The following LETMD1 variants were observed in gnomAD, a reference collection of about 807,000 sequenced individuals.
LETMD1 encodes LETM1 domain-containing protein 1.
In LETMD1, 30 loss-of-function variants were observed where a neutral mutation model predicts 43.9. The observed-to-expected ratio is 0.68, with a 90% confidence interval of 0.51 to 0.93. The LOEUF (loss-of-function observed/expected upper bound fraction) is 0.93, where lower values mean the gene tolerates loss of function less well. Among genes scored for constraint, LETMD1 ranks in the 40% least tolerant of loss-of-function variants. The pLI is 0.00. For missense variants in LETMD1, 413 were observed against 447.7 expected (o/e 0.92, Z 0.70); for synonymous variants, 176 against 163.1 (o/e 1.08, Z -0.60).
At chr12:51,049,957 A>T (rs533269162) in intron 2 of LETMD1, among the ~76,000 whole-genome samples, 1 of 152,318 alleles carries the variant, frequency 6.6e-6, no homozygotes, top group African/African-American at 2.4e-5. Context: ...TGCAAAAGTA[A>T]TTGCGGCTTT....
At chr12:51,057,917 G>C in intron 7 of LETMD1, 115 bp from the exon 8 acceptor site, 2 of 826,968 alleles carry the variant, frequency 2.4e-6, no homozygotes, top group South Asian at 2.8e-5. Flanking sequence ...GAGCCACCGT[G>C]CCCGGTGAGA....
chr12:51,054,961 G>A (rs538569271), intron 4 of LETMD1, among the ~76,000 whole-genome samples: 55 of 152,230 alleles, frequency 3.6e-4, no homozygotes, highest in African/African-American at 1.2e-3. Context: ...CTAGCTAGGC[G>A]TGGTGGCGGG....
intron 4 of LETMD1, 170 bp from the exon 5 acceptor site, chr12:51,055,665 T>TAAAAAAAAAAAAAAAAAAAAAAAAAAA: frequency 6.7e-6 from 1 of 149,252 alleles, no homozygotes; most frequent in Non-Finnish European, 1.2e-5. Flanking sequence ...CCCTGTCTCT[T>TAAAAAAAAAAAAAAAAAAAAAAAAAAA]AAAAAAAAAA....
At chr12:51,049,935 A>G (rs1462421210) in intron 2 of LETMD1, among the ~76,000 whole-genome samples, 2 of 152,376 alleles carry the variant, frequency 1.3e-5, no homozygotes, top group Middle Eastern at 3.4e-3. Flanking sequence ...ACCTAACAGT[A>G]TTATAAGTTG....
At chr12:51,062,227 T>A (rs532612170), downstream of LETMD1, 1 of 152,286 alleles carries the variant, frequency 6.6e-6, no homozygotes, top group Admixed American at 6.5e-5. Context: ...AGAAAAGGCT[T>A]TATGAGCAAG....
At chr12:51,064,501 C>T (rs540758921), downstream of LETMD1, 5 of 1,611,700 alleles carry the variant, frequency 3.1e-6, no homozygotes, top group South Asian at 2.2e-5. Context: ...GGGGAGGGCT[C>T]CTCATCTGGG....
the LETMD1 span, among the ~76,000 whole-genome samples, chr12:51,066,274 G>C: frequency 6.6e-6 from 1 of 152,008 alleles, no homozygotes; most frequent in Non-Finnish European, 1.5e-5. Flanking sequence ...CCTACATGGT[G>C]AAACGCCGTC....
downstream of LETMD1, among the ~76,000 whole-genome samples, chr12:51,060,674 G>A (rs1290279797): frequency 3.3e-5 from 5 of 152,072 alleles, no homozygotes; most frequent in Admixed American, 1.3e-4. Flanking sequence ...AGGCTGAGGC[G>A]AGCGGATCAC....
At chr12:51,067,639 G>A in the LETMD1 span, 29,079 of 1,597,216 alleles carry the variant, frequency 0.018, 591 homozygotes, top group African/African-American at 0.1. The surrounding 1 kb of genome is among the most constrained non-coding windows in gnomAD (Gnocchi z 4.1). Flanking sequence ...TGACCCTGGT[G>A]TAGATATACT....
At chr12:51,059,255 C>T (rs1948574361) in intron 8 of LETMD1, 106 bp from the exon 9 acceptor site, 1 of 901,246 alleles carries the variant, frequency 1.1e-6, no homozygotes, top group South Asian at 1.4e-5. Context: ...CTTCTTCATT[C>T]CACCCCTCCC....
At position 51,059,819 on chromosome 12, in the gene LETMD1, A is replaced by G. The variant is rs1948677680; in HGVS notation, c.*388A>G. ...ACTGATCCACTTCCATGTTACTTAC[A>G]TCTGTGGGTTTTTGTTGTTGCTGTT... On this transcript the variant is annotated 3_prime_UTR_variant, in exon 9 of 9. Transcript: ENST00000262055. 1.1e-5 allele frequency: 2 copies of G among 176,900 alleles called. No individual in the cohort carries two copies. Among genetic ancestry groups the G allele is most frequent in the South Asian group, 2.9e-4 (2 of 6,886 alleles). The allele number at this position is 176,900 out of a possible 1,614,324, so 11.0% of individuals were successfully genotyped here. A position where few individuals can be genotyped will look rare whatever the true frequency, so the allele number is the denominator to read the frequency against.
At chr12:51,067,711 C>T in the LETMD1 span, 1 of 1,614,054 alleles carries the variant, frequency 6.2e-7, no homozygotes, top group African/African-American at 1.3e-5. This position sits in a 1 kb window ranked among gnomAD's most constrained non-coding sequence, Gnocchi z 4.1. Context: ...GCACACGCTT[C>T]TGGGTCACAA....
At chr12:51,048,714 C>T (rs1025733943) in intron 1 of LETMD1, 3 of 614,266 alleles carry the variant, frequency 4.9e-6, no homozygotes, top group Middle Eastern at 4.5e-4. Flanking sequence ...CATCTTTCAG[C>T]CTCACTTTTT....
chr12:51,066,546 C>T, the LETMD1 span, among the ~76,000 whole-genome samples: 1 of 149,698 alleles, frequency 6.7e-6, no homozygotes, highest in Non-Finnish European at 1.5e-5. Context: ...GAGGCTGAGG[C>T]GGGAGAATCA....
chr12:51,053,933 C>T lies in LETMD1; in HGVS notation c.473+73C>T, dbSNP rs546465064. On this transcript the variant is annotated intron_variant, in intron 4 of 8. Transcript: ENST00000262055. ...TTTTTAAATTAAGAATTACTTTAAA[C>T]AGCACTCATTTCAGAAGATAGGCAG... 1.9e-4 allele frequency: 178 copies of T among 951,408 alleles called. 3 individuals are homozygous for T. In the South Asian group the frequency reaches 2.4e-3, roughly 13 times the overall value. 58.9% of individuals were successfully genotyped at this position (951,408 alleles called of 1,614,324 possible).
At chr12:51,063,465 A>G, downstream of LETMD1, 1 of 231,492 alleles carries the variant, frequency 4.3e-6, no homozygotes, top group Non-Finnish European at 8.4e-6. Flanking sequence ...TTTTCCTGTG[A>G]GATCCTAGTT....
At chr12:51,056,656 A>C in intron 7 of LETMD1, 154 bp downstream of exon 7, 1 of 566,626 alleles carries the variant, frequency 1.8e-6, no homozygotes. Context: ...ATTTATTTTT[A>C]TTTATTTATT....
chr12:51,066,037 G>T, the LETMD1 span, among the ~76,000 whole-genome samples: 1 of 152,110 alleles, frequency 6.6e-6, no homozygotes, highest in Admixed American at 6.6e-5. Context: ...GGCCAACAAG[G>T]GGCCAGGCAC....
chr12:51,052,986 G>A (rs2136607767), intron 3 of LETMD1, among the ~76,000 whole-genome samples: 1 of 147,602 alleles, frequency 6.8e-6, no homozygotes, highest in Admixed American at 6.8e-5. Flanking sequence ...GGCGCCTGTA[G>A]TCCTAGTCCC....
Sources: allele counts gnomAD v4.1 joint callset (sites outside exome capture counted in the v4.1 genomes callset), GRCh38; gene constraint gnomAD v4.1.1; non-coding constraint Gnocchi (gnomAD v3.1); transcripts MANE v1.5; gene names NCBI Gene and HGNC (gene_info 2026-07-23, HGNC 2026-07-21).